The following KCTD3 variants were observed in gnomAD, a reference collection of about 807,000 sequenced individuals.
KCTD3 encodes the protein BTB/POZ domain-containing protein KCTD3.
A neutral mutation model predicts 85.8 loss-of-function variants in KCTD3; 41 were observed. That is an observed-to-expected ratio of 0.48 (90% CI 0.37 to 0.62). The LOEUF (loss-of-function observed/expected upper bound fraction) is 0.62. Ranked by LOEUF, KCTD3 falls within the 20% of genes least tolerant of loss-of-function variation. The pLI is 0.00. For synonymous variants in KCTD3, 338 were observed against 345.4 expected (o/e 0.98, Z 0.24); for missense variants, 724 against 989.9 (o/e 0.73, Z 3.60).
At chr1:215,618,825 A>G in intron 15 of KCTD3, 61 bp from the exon 16 acceptor site, 3 of 1,260,068 alleles carry the variant, frequency 2.4e-6, no homozygotes, top group Non-Finnish European at 3.3e-6. Flanking sequence ...TTTTAGTTTC[A>G]TAGCTTCTTT....
intron 13 of KCTD3, among the ~76,000 whole-genome samples, chr1:215,606,171 T>G (rs931868504): frequency 3.9e-5 from 6 of 152,150 alleles, no homozygotes; most frequent in Middle Eastern, 3.2e-3. Context: ...AACTTTTGTG[T>G]TTGTTCTTTT....
rs866382777 is a variant in KCTD3, at chr1:215,617,685, C to A, written c.1563-1201C>A. Among the ~76,000 whole-genome samples the A allele has an allele frequency of 1.2e-4, 18 of 151,150 alleles. No homozygotes were observed. In the South Asian group the frequency reaches 3.8e-3, roughly 32 times the overall value. On this transcript the variant is annotated intron_variant, in intron 15 of 17. Transcript: ENST00000259154. ...CCAAAAGATTTTCTCGGAGTTTTAT[C>A]CTCCCTGTACCAGGACAGGAGAGTG... is the stretch of plus-strand genomic sequence containing the variant.
chr1:215,572,378 A>C (rs1659400516), intron 1 of KCTD3, among the ~76,000 whole-genome samples: 1 of 152,250 alleles, frequency 6.6e-6, no homozygotes, highest in African/African-American at 2.4e-5. Context: ...GTGAATTTAC[A>C]GATAATCCAT....
chr1:215,591,287 TTTCCTTCCTTCCTTCCTTCC>T lies in KCTD3; in HGVS notation c.818-4029_818-4010del, dbSNP rs10592000. 5.5e-3 allele frequency among the ~76,000 whole-genome samples: 606 copies of T among 111,030 alleles called. 3 individuals carry two copies. Among genetic ancestry groups the T allele is most frequent in the African/African-American group, 0.014 (398 of 28,590 alleles). The allele number at this position is 111,030 out of a possible 152,430, so 72.8% of individuals were successfully genotyped here. A position where few individuals can be genotyped will look rare whatever the true frequency, so the allele number is the denominator to read the frequency against. On this transcript the variant is annotated intron_variant, in intron 9 of 17. Transcript: ENST00000259154. ...TTCTTTCTCTCTCTCTCCTTCCTTCTTTCCTTCCTTCCTTCCTTCCTTCCTTCCTTCCTTCCTTCCTTCCT... is the reference window on the plus strand; with the variant it reads ...TTCTTTCTCTCTCTCTCCTTCCTTCTTTCCTTCCTTCCTTCCTTCCTTCCT...
rs756159197 is a variant in KCTD3 at position 215,620,384 on chromosome 1, C to T, written c.2214C>T (p.Ser738=). ...VHKIAEGFSE[S]KKRSSEDENE... ...AAATAGCTGAAGGTTTTTCAGAATCCAAGAAAAGGTCATCAGAAGATGAAA... is the reference window on the plus strand; with the variant it reads ...AAATAGCTGAAGGTTTTTCAGAATCTAAGAAAAGGTCATCAGAAGATGAAA... The change falls in exon 18 of 18, where the codon TCC becomes TCT. Residue 738 remains serine (S), a synonymous_variant. Transcript: ENST00000259154. The T allele has an allele frequency of 6.2e-7, 1 of 1,611,910 alleles. No individual in the cohort carries two copies. The highest frequency in any genetic ancestry group is 8.5e-7 in the Non-Finnish European group (1 of 1,179,290).
At chr1:215,596,496 T>G (rs754565308) in intron 10 of KCTD3, among the ~76,000 whole-genome samples, 1 of 152,060 alleles carries the variant, frequency 6.6e-6, no homozygotes. Context: ...TGGGGGAACA[T>G]TAGCATTTAA....
intron 9 of KCTD3, among the ~76,000 whole-genome samples, chr1:215,593,216 C>A (rs1267497985): frequency 6.6e-6 from 1 of 152,070 alleles, no homozygotes. Flanking sequence ...CATTTCTTAA[C>A]CAATTCTGGG....
chr1:215,580,889 C>T (rs1169612911), intron 8 of KCTD3: 2 of 399,100 alleles, frequency 5.0e-6, no homozygotes, highest in Admixed American at 3.2e-5. Flanking sequence ...TTTGGCATGT[C>T]TGGTAAGTGC....
intron 14 of KCTD3, among the ~76,000 whole-genome samples, chr1:215,610,791 A>G (rs1335479816): frequency 1.3e-5 from 2 of 151,792 alleles, no homozygotes; most frequent in Non-Finnish European, 2.9e-5. Flanking sequence ...TAAAATGGAG[A>G]TGGTAAATAA....
chr1:215,600,788 A>G (rs1408628262), intron 10 of KCTD3, among the ~76,000 whole-genome samples: 1 of 152,236 alleles, frequency 6.6e-6, no homozygotes, highest in Admixed American at 6.5e-5. Flanking sequence ...TTAGACTTGT[A>G]TGCAAAACTT....
chr1:215,577,400 A>T (rs1204896804), intron 4 of KCTD3, among the ~76,000 whole-genome samples: 1 of 152,138 alleles, frequency 6.6e-6, no homozygotes, highest in African/African-American at 2.4e-5. Context: ...AGCCTGATAG[A>T]GCCCTAATCT....
rs549459968 is a variant in KCTD3 at position 215,609,659 on chromosome 1, T to A, written c.1465+1487T>A. Among the ~76,000 whole-genome samples, 3 of 152,042 alleles carry A rather than the reference T, an allele frequency of 2.0e-5. No individual in the cohort carries two copies. The East Asian group carries it at 5.8e-4, about 29-fold the overall frequency. ...ACCAAAGTGCATGGTGGTCATTGAC[T>A]AGATGTGGCAGGCATGAGAGAGGAA... On this transcript the variant is annotated intron_variant, in intron 14 of 17. Transcript: ENST00000259154.
At chr1:215,571,429 T>G (rs1659362248) in intron 1 of KCTD3, among the ~76,000 whole-genome samples, 1 of 152,230 alleles carries the variant, frequency 6.6e-6, no homozygotes, top group Non-Finnish European at 1.5e-5. Context: ...GAACTGCTTA[T>G]AAACACCTAG....
Position 215,574,055 on chromosome 1 carries a change from A to T in KCTD3, c.138-18A>T. 1 of 1,568,962 alleles carries T rather than the reference A, an allele frequency of 6.4e-7. No individual in the cohort carries two copies. Among genetic ancestry groups the T allele is most frequent in the South Asian group, 1.2e-5 (1 of 85,632 alleles). ...CTCAGATTTTAAAAACTAACTTTAGATTATTAATGACTTCCAGTTTGCTGA... is the reference window on the plus strand; with the variant it reads ...CTCAGATTTTAAAAACTAACTTTAGTTTATTAATGACTTCCAGTTTGCTGA... On this transcript the variant is annotated intron_variant, in intron 2 of 17. Transcript: ENST00000259154.
intron 9 of KCTD3, among the ~76,000 whole-genome samples, chr1:215,594,961 A>G (rs1345876793): frequency 6.6e-6 from 1 of 152,160 alleles, no homozygotes; most frequent in Non-Finnish European, 1.5e-5. Context: ...AGCAAGCTGC[A>G]TATAACTCAC....
At chr1:215,605,713 T>G (rs1477657759) in intron 13 of KCTD3, among the ~76,000 whole-genome samples, 2 of 152,158 alleles carry the variant, frequency 1.3e-5, no homozygotes, top group Non-Finnish European at 2.9e-5. Context: ...CACCATCTAC[T>G]TATCTACTCA....
rs562224994 is a variant in KCTD3, at chr1:215,581,760, T to C, written c.626+1761T>C. On this transcript the variant is annotated intron_variant, in intron 8 of 17. Coordinates refer to ENST00000259154, the MANE Select transcript of KCTD3 (RefSeq NM_016121.5). Reference sequence around the variant, plus strand: ...ATGTAAAGTGACGAAGGAAGACAATTGAGGACATATTTGGATTTCCTCACA... The same window carrying C: ...ATGTAAAGTGACGAAGGAAGACAATCGAGGACATATTTGGATTTCCTCACA... Among the ~76,000 whole-genome samples the C allele has an allele frequency of 2.6e-5, 4 of 152,354 alleles. No individual in the cohort carries two copies. The South Asian group carries it at 8.3e-4, about 32-fold the overall frequency.
At chr1:215,613,469 AGTTT>A (rs1479967671) in intron 15 of KCTD3, among the ~76,000 whole-genome samples, 17 of 152,124 alleles carry the variant, frequency 1.1e-4, no homozygotes, top group Non-Finnish European at 1.6e-4. Context: ...CTCTGTTGAT[AGTTT>A]CTTTTGTGGT....
At position 215,620,072 on chromosome 1, in the gene KCTD3, C is replaced by T; in HGVS notation, c.1902C>T (p.His634=). The change falls in exon 18 of 18, where the codon CAC becomes CAT. Residue 634 remains histidine, a synonymous_variant. Transcript: ENST00000259154. ...RESNSSLQLQ[H]HDTTHEAATY... is the part of the protein sequence containing the mutation. ...TGTATTTCAGCCTTCAGCTTCAGCA[C>T]CATGATACCACCCATGAAGCAGCTA... is the stretch of plus-strand genomic sequence containing the variant. 1 of 1,591,818 alleles carries T rather than the reference C, an allele frequency of 6.3e-7. No individual in the cohort carries two copies. The highest frequency in any genetic ancestry group is 8.5e-7 in the Non-Finnish European group (1 of 1,172,282).
Sources: gnomAD v4.1 joint callset for allele counts (sites outside exome capture counted in the v4.1 genomes callset) on GRCh38, gnomAD v4.1.1 for gene constraint, MANE v1.5 for transcripts, NCBI Gene and HGNC (gene_info 2026-07-23, HGNC 2026-07-21) for gene names.